Variants in SLCO6A1 observed in about 807,000 individuals in gnomAD.
SLCO6A1 encodes solute carrier organic anion transporter family member 6A1.
Under a neutral mutation model 72.7 loss-of-function variants are expected in SLCO6A1, and 65 were observed. The ratio of observed to expected loss-of-function variants is 0.89; its 90% CI spans 0.73 to 1.10. SLCO6A1 has a LOEUF of 1.10. SLCO6A1 is among the 50% of genes least tolerant of loss of function. The pLI, the probability that SLCO6A1 is intolerant of heterozygous loss-of-function variation, is 0.00. For synonymous variants in SLCO6A1, 314 were observed against 298.2 expected (o/e 1.05, Z -0.55); for missense variants, 874 against 872.6 (o/e 1.00, Z -0.02).
At chr5:102,436,305 C>T (rs538125759) in intron 7 of SLCO6A1, among the ~76,000 whole-genome samples, 45 of 152,246 alleles carry the variant, frequency 3.0e-4, no homozygotes, top group Admixed American at 2.3e-3. Context: ...CTCAATGGCT[C>T]TAACTTTGGT....
chr5:102,408,978 G>A (rs1469449402), intron 9 of SLCO6A1, among the ~76,000 whole-genome samples: 1 of 151,954 alleles, frequency 6.6e-6, no homozygotes, highest in East Asian at 1.9e-4. Context: ...TTGAACCTCT[G>A]GAAGAATATT....
intron 12 of SLCO6A1, among the ~76,000 whole-genome samples, chr5:102,377,983 A>C (rs998316178): frequency 6.6e-6 from 1 of 151,336 alleles, no homozygotes; most frequent in Non-Finnish European, 1.5e-5. Context: ...ATGTATAAGT[A>C]ATTTTCTGCT....
intron 8 of SLCO6A1, among the ~76,000 whole-genome samples, chr5:102,416,358 T>G (rs1314734605): frequency 6.6e-6 from 1 of 152,084 alleles, no homozygotes; most frequent in South Asian, 2.1e-4. Context: ...TATTTATATA[T>G]ACATATATAT....
chr5:102,436,072 C>T (rs1561459815), intron 7 of SLCO6A1, among the ~76,000 whole-genome samples: 1 of 152,024 alleles, frequency 6.6e-6, no homozygotes. Flanking sequence ...CCATTGGCAC[C>T]CAAGGACAAA....
intron 1 of SLCO6A1, among the ~76,000 whole-genome samples, chr5:102,484,599 C>G (rs960137267): frequency 1.5e-4 from 22 of 151,550 alleles, no homozygotes; most frequent in Non-Finnish European, 2.2e-4. Context: ...TACAGTGAGC[C>G]AAGATTGCGC....
At chr5:102,395,044 T>A (rs968458872) in intron 10 of SLCO6A1, among the ~76,000 whole-genome samples, 4 of 152,158 alleles carry the variant, frequency 2.6e-5, no homozygotes, top group African/African-American at 4.8e-5. Context: ...CTTAAAAAAA[T>A]TTGTTTTTAT....
chr5:102,480,262 G>A lies in SLCO6A1; in HGVS notation c.531C>T (p.Ser177=). 6.2e-7 allele frequency: 1 copy of A among 1,613,156 alleles called. No individual in the cohort carries two copies. The highest frequency in any genetic ancestry group is 8.5e-7 in the Non-Finnish European group (1 of 1,179,520). ...GTGATCCAAGTCCTATTAAAAAGGAGGAAGCTACAAACCATATTACTTTTT... is the reference window on the plus strand; with the variant it reads ...GTGATCCAAGTCCTATTAAAAAGGAAGAAGCTACAAACCATATTACTTTTT... The part of the protein sequence containing the change: ...DRKKVIWFVA[S]SFLIGLGSLL... Residue 177 remains serine (S), a synonymous_variant, in exon 2 of 14, where the codon TCC becomes TCT. Coordinates refer to ENST00000506729, the MANE Select transcript of SLCO6A1 (RefSeq NM_173488.5).
At chr5:102,476,229 A>G (rs1275223958) in intron 3 of SLCO6A1, among the ~76,000 whole-genome samples, 4 of 152,136 alleles carry the variant, frequency 2.6e-5, no homozygotes, top group Non-Finnish European at 4.4e-5. Context: ...TTTAAACACA[A>G]AAATAAAAAT....
intron 4 of SLCO6A1, 24 bp downstream of exon 4, chr5:102,475,673 A>G (rs767980608): frequency 3.2e-6 from 5 of 1,552,852 alleles, no homozygotes; most frequent in South Asian, 2.4e-5. Flanking sequence ...AATGTAAACA[A>G]AAAAAGAAAA....
intron 9 of SLCO6A1, among the ~76,000 whole-genome samples, chr5:102,409,370 A>T (rs1412838518): frequency 6.6e-6 from 1 of 152,154 alleles, no homozygotes; most frequent in Non-Finnish European, 1.5e-5. Flanking sequence ...GAATTTTTTC[A>T]TACTTGACAT....
chr5:102,460,903 T>A (rs1368214659), intron 4 of SLCO6A1, among the ~76,000 whole-genome samples: 1 of 2,000 alleles, frequency 5.0e-4, no homozygotes, highest in Admixed American at 2.5e-3. Context: ...TTATCTCATA[T>A]ATATATATAT....
chr5:102,419,764 T>C (rs1748485122), intron 8 of SLCO6A1, 62 bp downstream of exon 8: 1 of 1,276,462 alleles, frequency 7.8e-7, no homozygotes, highest in South Asian at 1.4e-5. Context: ...TAATTATTAA[T>C]TGCCTGAGGA....
chr5:102,436,262 T>C (rs922012701), intron 7 of SLCO6A1, among the ~76,000 whole-genome samples: 10 of 152,170 alleles, frequency 6.6e-5, no homozygotes, highest in South Asian at 2.1e-4. Context: ...TGATAGATGA[T>C]ATGCAGTTGG....
chr5:102,448,202 G>A (rs1340803543), intron 6 of SLCO6A1, among the ~76,000 whole-genome samples: 1 of 152,074 alleles, frequency 6.6e-6, no homozygotes, highest in African/African-American at 2.4e-5. Flanking sequence ...TCTTGATATC[G>A]ATTTCTATTT....
intron 1 of SLCO6A1, among the ~76,000 whole-genome samples, chr5:102,492,258 A>G (rs1752717858): frequency 1.3e-5 from 2 of 152,178 alleles, no homozygotes; most frequent in African/African-American, 2.4e-5. Flanking sequence ...GCAACAACAG[A>G]TAAGTAATGT....
intron 6 of SLCO6A1, among the ~76,000 whole-genome samples, chr5:102,456,819 A>G (rs572671799): frequency 6.6e-6 from 1 of 152,338 alleles, no homozygotes; most frequent in South Asian, 2.1e-4. Flanking sequence ...AAAAGAACAA[A>G]GCTGGAGGCA....
intron 1 of SLCO6A1, among the ~76,000 whole-genome samples, chr5:102,485,297 AT>A (rs1018870682): frequency 4.7e-5 from 7 of 148,834 alleles, no homozygotes; most frequent in Admixed American, 1.3e-4. Context: ...AATAAATAAA[AT>A]AAAATAAAAG....
chr5:102,485,285 T>C (rs953448250), intron 1 of SLCO6A1, among the ~76,000 whole-genome samples: 1 of 126,000 alleles, frequency 7.9e-6, no homozygotes, highest in Non-Finnish European at 1.7e-5. Flanking sequence ...AATAAATAAA[T>C]AAATAAATAA....
intron 8 of SLCO6A1, among the ~76,000 whole-genome samples, chr5:102,419,587 T>G (rs1748474883): frequency 6.6e-6 from 1 of 152,340 alleles, no homozygotes; most frequent in South Asian, 2.1e-4. Flanking sequence ...CCAAACCTCT[T>G]CAATGTGTTT....
Sources: allele counts gnomAD v4.1 joint callset (sites outside exome capture counted in the v4.1 genomes callset), GRCh38; gene constraint gnomAD v4.1.1; transcripts MANE v1.5; gene names NCBI Gene and HGNC (gene_info 2026-07-23, HGNC 2026-07-21).